Variants in THSD7B observed in about 807,000 individuals in gnomAD.
THSD7B encodes thrombospondin type-1 domain-containing protein 7B.
In THSD7B, 138 loss-of-function variants were observed where a neutral mutation model predicts 213.6. The ratio of observed to expected loss-of-function variants is 0.65; its 90% CI spans 0.56 to 0.74. The LOEUF is 0.74. Ranked by LOEUF, THSD7B falls within the 30% of genes least tolerant of loss-of-function variation. The pLI is 0.00. For synonymous variants in THSD7B, 742 were observed against 687.0 expected, an observed-to-expected ratio of 1.08 and a Z score of -1.25; for missense variants, 1,931 against 1,991.5, an observed-to-expected ratio of 0.97 and a Z score of 0.58.
chr2:137,271,144 C>T (rs984682885), intron 10 of THSD7B, among the ~76,000 whole-genome samples: 14 of 151,372 alleles, frequency 9.2e-5, no homozygotes, highest in African/African-American at 3.4e-4. Context: ...TGTACCAAAC[C>T]TACCAATTTA....
At chr2:137,286,523 C>T (rs1484237569) in intron 12 of THSD7B, among the ~76,000 whole-genome samples, 1 of 152,058 alleles carries the variant, frequency 6.6e-6, no homozygotes, top group East Asian at 1.9e-4. Flanking sequence ...TGGAAGACAC[C>T]ATAGTCACTT....
chr2:136,923,295 G>A (rs1252198486), intron 2 of THSD7B, among the ~76,000 whole-genome samples: 1 of 152,200 alleles, frequency 6.6e-6, no homozygotes, highest in Admixed American at 6.5e-5. Flanking sequence ...CTTTTTAAAG[G>A]CTGCATAATA....
intron 15 of THSD7B, chr2:137,538,398 A>AT: frequency 2.2e-6 from 1 of 459,516 alleles, no homozygotes; most frequent in Non-Finnish European, 4.2e-6. Flanking sequence ...ACTTTTTTCA[A>AT]TTTTGCATTA....
At chr2:136,790,903 T>C (rs1283291036) in intron 1 of THSD7B, among the ~76,000 whole-genome samples, 2 of 152,020 alleles carry the variant, frequency 1.3e-5, no homozygotes, top group East Asian at 1.9e-4. Context: ...ACAGAAAATA[T>C]TCACTCAATA....
chr2:137,550,968 A>C (rs2105206166), intron 15 of THSD7B, among the ~76,000 whole-genome samples: 1 of 152,136 alleles, frequency 6.6e-6, no homozygotes, highest in South Asian at 2.1e-4. Flanking sequence ...AAACCTTCAC[A>C]TGTACCCCTG....
chr2:136,899,980 A>T (rs1019322977), intron 2 of THSD7B, among the ~76,000 whole-genome samples: 2 of 152,164 alleles, frequency 1.3e-5, no homozygotes, highest in African/African-American at 4.8e-5. Context: ...CCTGCTCTGA[A>T]CACTAAGCTC....
intron 12 of THSD7B, among the ~76,000 whole-genome samples, chr2:137,398,749 G>A (rs567832051): frequency 3.0e-4 from 46 of 152,290 alleles, no homozygotes; most frequent in East Asian, 5.8e-4. Flanking sequence ...AATGGTGGGC[G>A]CCCCTCCCCC....
intron 12 of THSD7B, among the ~76,000 whole-genome samples, chr2:137,325,942 A>C (rs1055650903): frequency 6.6e-6 from 1 of 152,228 alleles, no homozygotes; most frequent in Admixed American, 6.5e-5. Flanking sequence ...GAAAAGAGAC[A>C]TATCTTCCCA....
In THSD7B at chr2:137,044,228, T is replaced by C. The variant is rs186738347; in HGVS notation, c.140-12192T>C. On this transcript the variant is annotated intron_variant, in intron 2 of 27. Transcript: ENST00000409968. ...AGAATGTAATCATATCAACAATCTC[T>C]AAAAATATTACATTCACCCCCTTTT... Among the ~76,000 whole-genome samples, 5 of 152,332 alleles carry C rather than the reference T, an allele frequency of 3.3e-5. No homozygotes were observed. In the East Asian group the frequency reaches 9.7e-4, roughly 29 times the overall value.
At chr2:136,927,252 T>C (rs1363443306) in intron 2 of THSD7B, among the ~76,000 whole-genome samples, 2 of 144,582 alleles carry the variant, frequency 1.4e-5, no homozygotes, top group Non-Finnish European at 3.0e-5. Context: ...TTCCCTTATC[T>C]CTACATAATT....
intron 4 of THSD7B, among the ~76,000 whole-genome samples, chr2:137,114,415 A>G (rs1688408256): frequency 6.6e-6 from 1 of 152,160 alleles, no homozygotes; most frequent in African/African-American, 2.4e-5. Flanking sequence ...TACAAACTCC[A>G]TTGTGTTTTC....
In THSD7B at chr2:137,659,700, G is replaced by A. The variant is rs757504169; in HGVS notation, c.4412G>A (p.Arg1471Gln). The A allele has an allele frequency of 3.3e-5, 53 of 1,604,908 alleles. No individual in the cohort carries two copies. Among genetic ancestry groups the A allele is most frequent in the Middle Eastern group, 1.6e-4 (1 of 6,068 alleles). Reference protein sequence around the residue: ...CSPQARPAAIRQCIPACRKPF... With the variant: ...CSPQARPAAIQQCIPACRKPF... ...CCTCAGGCCCGTCCTGCTGCCATTCGGCAGTGCATTCCAGCCTGCAGAAAA... is the reference window on the plus strand; with the variant it reads ...CCTCAGGCCCGTCCTGCTGCCATTCAGCAGTGCATTCCAGCCTGCAGAAAA... Residue 1471 changes from arginine (R) to glutamine (Q), a missense_variant, in exon 25 of 28, where the codon CGG becomes CAG. Arg to Gln is a conservative substitution (Grantham distance 43, BLOSUM62 1). Coordinates refer to ENST00000409968, the MANE Select transcript of THSD7B (RefSeq NM_001316349.2).
chr2:137,232,490 G>T (rs1364385681), intron 8 of THSD7B, among the ~76,000 whole-genome samples: 3 of 152,140 alleles, frequency 2.0e-5, no homozygotes, highest in Admixed American at 6.5e-5. Context: ...TAAGGGGTGT[G>T]TGTGTGTGTG....
At chr2:137,048,667 C>T (rs1261738480) in intron 2 of THSD7B, among the ~76,000 whole-genome samples, 3 of 152,230 alleles carry the variant, frequency 2.0e-5, no homozygotes, top group Non-Finnish European at 2.9e-5. Context: ...ATAGTCCCAA[C>T]GTTACTGCCT....
Position 137,145,725 on chromosome 2 carries a change from C to T in THSD7B, c.1370-14488C>T, listed in dbSNP as rs1166982305. ...GGTATAAATGCTAAAAAAAAGATTG[C>T]TGCACCTGTAGTTTTTCATATGTTA... On this transcript the variant is annotated intron_variant, in intron 5 of 27. Coordinates refer to ENST00000409968, the MANE Select transcript of THSD7B (RefSeq NM_001316349.2). Among the ~76,000 whole-genome samples, 5 of 152,110 alleles carry T rather than the reference C, an allele frequency of 3.3e-5. No individual in the cohort carries two copies. The East Asian group carries it at 9.7e-4, about 29-fold the overall frequency.
At chr2:137,175,095 C>G (rs1680334001) in intron 7 of THSD7B, among the ~76,000 whole-genome samples, 1 of 152,164 alleles carries the variant, frequency 6.6e-6, no homozygotes, top group African/African-American at 2.4e-5. Context: ...GGCCAGTGGA[C>G]AGTGTTCCCA....
At chr2:137,470,910 C>T (rs1410445582) in intron 15 of THSD7B, among the ~76,000 whole-genome samples, 1 of 119,822 alleles carries the variant, frequency 8.3e-6, no homozygotes, top group African/African-American at 3.1e-5. Flanking sequence ...TTTTTCTTTA[C>T]TTTTTTTTTT....
At chr2:137,376,780 A>G (rs1305982642) in intron 12 of THSD7B, among the ~76,000 whole-genome samples, 1 of 152,232 alleles carries the variant, frequency 6.6e-6, no homozygotes, top group Non-Finnish European at 1.5e-5. Context: ...ACTTTCATAC[A>G]ATTTGAATTG....
chr2:137,351,122 C>T (rs1573976953), intron 12 of THSD7B, among the ~76,000 whole-genome samples: 1 of 151,928 alleles, frequency 6.6e-6, no homozygotes, highest in East Asian at 1.9e-4. Context: ...CTGCTAGTCT[C>T]ATAGAGAGGG....
Sources: gnomAD v4.1 joint callset for allele counts (sites outside exome capture counted in the v4.1 genomes callset) on GRCh38, gnomAD v4.1.1 for gene constraint, MANE v1.5 for transcripts, NCBI Gene and HGNC (gene_info 2026-07-23, HGNC 2026-07-21) for gene names.